Variants in LMBRD1 observed in about 807,000 individuals in gnomAD.
The protein encoded by LMBRD1 is LMBR1 domain containing 1, also known as lysosomal cobalamin transport escort protein LMBD1.
LMBRD1 carries 64 observed loss-of-function variants against 74.8 expected under a neutral mutation model. The ratio of observed to expected loss-of-function variants is 0.86; its 90% CI spans 0.70 to 1.05. The LOEUF is 1.05. Among genes scored for constraint, LMBRD1 ranks in the 50% least tolerant of loss-of-function variants. The probability of loss-of-function intolerance (pLI) is 0.00; values close to 1 mark genes in which losing one functional copy is unlikely to be tolerated. For synonymous variants in LMBRD1, 204 were observed against 216.3 expected, an observed-to-expected ratio of 0.94 and a Z score of 0.50; for missense variants, 652 against 645.9, an observed-to-expected ratio of 1.01 and a Z score of -0.10.
chr6:69,745,697 T>C (rs1424058516), intron 5 of LMBRD1, among the ~76,000 whole-genome samples: 1 of 152,142 alleles, frequency 6.6e-6, no homozygotes, highest in Non-Finnish European at 1.5e-5. Context: ...TAAATTCACA[T>C]CACACTTTTT....
intron 14 of LMBRD1, among the ~76,000 whole-genome samples, chr6:69,694,423 A>G (rs1314466823): frequency 6.6e-6 from 1 of 152,154 alleles, no homozygotes. Flanking sequence ...TATCAACCCT[A>G]CTTGTGATGT....
At chr6:69,747,331 G>C (rs761389495) in intron 5 of LMBRD1, among the ~76,000 whole-genome samples, 1 of 152,162 alleles carries the variant, frequency 6.6e-6, no homozygotes, top group African/African-American at 2.4e-5. Flanking sequence ...CTATAAGCCA[G>C]GAAGAGAACT....
At chr6:69,753,318 C>A (rs1377278046) in intron 3 of LMBRD1, among the ~76,000 whole-genome samples, 1 of 151,920 alleles carries the variant, frequency 6.6e-6, no homozygotes, top group Non-Finnish European at 1.5e-5. Context: ...ATAATAGTAC[C>A]AGTATAATTA....
intron 14 of LMBRD1, among the ~76,000 whole-genome samples, chr6:69,685,775 T>A (rs1765751118): frequency 6.6e-6 from 1 of 152,150 alleles, no homozygotes; most frequent in South Asian, 2.1e-4. Flanking sequence ...CACTCCAGCC[T>A]GGGTGACAAG....
intron 7 of LMBRD1, among the ~76,000 whole-genome samples, chr6:69,733,991 T>C (rs9346337): frequency 0.36 from 55,152 of 151,838 alleles, 10,505 homozygotes; most frequent in East Asian, 0.54. Flanking sequence ...CTCACTACTT[T>C]ATTACTTAAA....
Position 69,796,965 on chromosome 6 carries a change from A to G in LMBRD1, c.-84T>C. On this transcript the variant is annotated 5_prime_UTR_variant, in exon 1 of 16. Coordinates refer to ENST00000649934, the MANE Select transcript of LMBRD1 (RefSeq NM_018368.4). Reference sequence around the variant, plus strand: ...GGGGAGAGAGCGCGAGATATACTGCACCCGCGCACCCTAAAGGTTAAAGGG... The same window carrying G: ...GGGGAGAGAGCGCGAGATATACTGCGCCCGCGCACCCTAAAGGTTAAAGGG... 1 of 1,160,808 alleles carries G rather than the reference A, an allele frequency of 8.6e-7. No individual in the cohort carries two copies. Among genetic ancestry groups the G allele is most frequent in the Non-Finnish European group, 1.3e-6 (1 of 790,652 alleles). 71.9% of individuals were successfully genotyped at this position (1,160,808 alleles called of 1,614,324 possible).
chr6:69,699,205 G>A lies in LMBRD1; in HGVS notation c.1189-13C>T, dbSNP rs1416345665. On this transcript the variant is annotated splice_polypyrimidine_tract_variant and intron_variant, in intron 12 of 15. Transcript: ENST00000649934. Reference sequence around the variant, plus strand: ...TGATTTTATATAACTGGAAAGAAAAGAGTGACAAAATTTCAGCAATATATT... The same window carrying A: ...TGATTTTATATAACTGGAAAGAAAAAAGTGACAAAATTTCAGCAATATATT... The A allele has an allele frequency of 1.2e-6, 2 of 1,608,810 alleles. No individual in the cohort carries two copies. The highest frequency in any genetic ancestry group is 2.2e-5 in the South Asian group (2 of 90,956).
At chr6:69,718,156 G>A (rs1361922039) in intron 8 of LMBRD1, among the ~76,000 whole-genome samples, 2 of 152,182 alleles carry the variant, frequency 1.3e-5, no homozygotes, top group East Asian at 3.9e-4. Flanking sequence ...AGATTTATCT[G>A]TTACTTGAAG....
At chr6:69,787,899 T>C (rs975177613) in intron 2 of LMBRD1, among the ~76,000 whole-genome samples, 3 of 152,188 alleles carry the variant, frequency 2.0e-5, no homozygotes, top group Non-Finnish European at 4.4e-5. Flanking sequence ...TAAGGGCACA[T>C]GTATTAAAAC....
At chr6:69,786,800 T>C (rs576296760) in intron 2 of LMBRD1, among the ~76,000 whole-genome samples, 12 of 152,188 alleles carry the variant, frequency 7.9e-5, no homozygotes, top group Non-Finnish European at 1.6e-4. Context: ...AATGACTGCC[T>C]GCTCACAGAA....
At chr6:69,747,928 G>A (rs1407231009) in intron 5 of LMBRD1, among the ~76,000 whole-genome samples, 3 of 152,114 alleles carry the variant, frequency 2.0e-5, no homozygotes, top group South Asian at 2.1e-4. Flanking sequence ...CTAAATGCAC[G>A]CCTCATTCAA....
intron 9 of LMBRD1, chr6:69,706,161 C>A (rs2445971): frequency 5.9e-6 from 3 of 507,204 alleles, no homozygotes; most frequent in African/African-American, 1.9e-5. Context: ...AATCTTCCAT[C>A]AGGTGGCAGC....
chr6:69,708,196 T>C (rs1245105265), intron 9 of LMBRD1, among the ~76,000 whole-genome samples: 2 of 152,190 alleles, frequency 1.3e-5, no homozygotes, highest in Non-Finnish European at 2.9e-5. Context: ...CATCAGACTG[T>C]AGGCTTAGAA....
intron 9 of LMBRD1, among the ~76,000 whole-genome samples, chr6:69,712,839 T>C (rs1317367126): frequency 2.0e-5 from 3 of 152,070 alleles, no homozygotes; most frequent in Admixed American, 6.6e-5. Context: ...ACATATAAAA[T>C]CTTAGAAAGA....
intron 14 of LMBRD1, among the ~76,000 whole-genome samples, chr6:69,686,164 A>G (rs1296188901): frequency 1.3e-5 from 2 of 152,186 alleles, no homozygotes; most frequent in Non-Finnish European, 2.9e-5. Flanking sequence ...CTTCCCCAAG[A>G]GCTATTCATT....
chr6:69,730,055 A>G (rs1382488431), intron 7 of LMBRD1, among the ~76,000 whole-genome samples: 1 of 152,034 alleles, frequency 6.6e-6, no homozygotes, highest in Non-Finnish European at 1.5e-5. Context: ...AAAAAAAATC[A>G]GAAAACTAAA....
At chr6:69,706,254 G>C in intron 9 of LMBRD1, 1 of 279,854 alleles carries the variant, frequency 3.6e-6, no homozygotes, top group East Asian at 7.5e-5. Context: ...AATCACATCA[G>C]GGACTGATCT....
intron 9 of LMBRD1, among the ~76,000 whole-genome samples, chr6:69,713,203 G>A (rs989174567): frequency 1.3e-5 from 2 of 152,012 alleles, no homozygotes; most frequent in African/African-American, 4.8e-5. Context: ...CCAACATAGT[G>A]CTGGAAAAAA....
At chr6:69,789,549 TAAAATAAAATAA>T (rs891073269) in intron 2 of LMBRD1, among the ~76,000 whole-genome samples, 2 of 150,906 alleles carry the variant, frequency 1.3e-5, no homozygotes, top group South Asian at 4.1e-4. Context: ...AATATATATA[TAAAATAAAATAA>T]AAAATAAAAT....
Sources: gnomAD v4.1 joint callset for allele counts (sites outside exome capture counted in the v4.1 genomes callset) on GRCh38, gnomAD v4.1.1 for gene constraint, MANE v1.5 for transcripts, NCBI Gene and HGNC (gene_info 2026-07-23, HGNC 2026-07-21) for gene names.